The following RABGAP1L variants were observed in gnomAD, a reference collection of about 807,000 sequenced individuals.
The protein encoded by RABGAP1L is rab GTPase-activating protein 1-like.
A neutral mutation model predicts 137.7 loss-of-function variants in RABGAP1L; 63 were observed. The observed-to-expected ratio is 0.46, with a 90% CI of 0.37 to 0.56. RABGAP1L has a LOEUF of 0.56. Among genes scored for constraint, RABGAP1L ranks in the 20% least tolerant of loss-of-function variants. The pLI, the probability that RABGAP1L is intolerant of heterozygous loss-of-function variation, is 0.00. For synonymous variants in RABGAP1L, 431 were observed against 433.7 expected, an observed-to-expected ratio of 0.99 and a Z score of 0.08; for missense variants, 1,095 against 1,244.0, an observed-to-expected ratio of 0.88 and a Z score of 1.80.
rs190089012 is a variant in RABGAP1L at position 174,337,853 on chromosome 1, A to G, written c.1465+32726A>G. Among the ~76,000 whole-genome samples, 90 of 152,298 alleles carry G rather than the reference A, an allele frequency of 5.9e-4. No homozygotes were observed. The East Asian group carries it at 0.016, about 26-fold the overall frequency. Reference sequence around the variant, plus strand: ...TTTAAAAAATATTTGTGTACCTGCTATATTTTTAGCATTATGTTTGATTCT... The same window carrying G: ...TTTAAAAAATATTTGTGTACCTGCTGTATTTTTAGCATTATGTTTGATTCT... On this transcript the variant is annotated intron_variant, in intron 11 of 25. Coordinates refer to ENST00000681986, the MANE Select transcript of RABGAP1L (RefSeq NM_001366446.1).
chr1:174,597,227 C>G (rs528411334), intron 13 of RABGAP1L, among the ~76,000 whole-genome samples: 1 of 151,984 alleles, frequency 6.6e-6, no homozygotes, highest in Non-Finnish European at 1.5e-5. Context: ...TAATACTGCC[C>G]TCATAGAATG....
chr1:174,306,617 A>G (rs1678280912), intron 11 of RABGAP1L, among the ~76,000 whole-genome samples: 1 of 152,034 alleles, frequency 6.6e-6, no homozygotes, highest in Non-Finnish European at 1.5e-5. Flanking sequence ...TAGAATTTTC[A>G]TGATTGTTAC....
At position 174,459,161 on chromosome 1, in the gene RABGAP1L, C is replaced by T. The variant is rs1372434884; in HGVS notation, c.1710+65016C>T. Among the ~76,000 whole-genome samples the T allele has an allele frequency of 2.6e-5, 4 of 152,042 alleles. No individual in the cohort carries two copies. In the East Asian group the frequency reaches 7.7e-4, roughly 29 times the overall value. On this transcript the variant is annotated intron_variant, in intron 13 of 25. Transcript: ENST00000681986. ...AATACAAAGCAATTTTAAAGAGCCA[C>T]AATTTATATTTACACAAAATTAAGC...
intron 13 of RABGAP1L, among the ~76,000 whole-genome samples, chr1:174,428,233 G>A (rs1571755107): frequency 2.0e-5 from 3 of 152,126 alleles, no homozygotes; most frequent in Admixed American, 2.0e-4. Context: ...CACTGAGTAC[G>A]TATGATTGAA....
intron 1 of RABGAP1L, among the ~76,000 whole-genome samples, chr1:174,193,529 G>GA (rs747821400): frequency 1.1e-3 from 169 of 152,118 alleles, no homozygotes; most frequent in Non-Finnish European, 2.0e-3. Flanking sequence ...AAGACTCTCA[G>GA]AAAAAATCCC....
chr1:174,527,850 A>G (rs1157768405), intron 13 of RABGAP1L, among the ~76,000 whole-genome samples: 3 of 148,224 alleles, frequency 2.0e-5, no homozygotes, highest in Non-Finnish European at 3.0e-5. Context: ...TAGAACCATT[A>G]TATCCTCTTA....
chr1:174,629,685 G>A (rs1022499687), intron 13 of RABGAP1L, among the ~76,000 whole-genome samples: 1 of 152,076 alleles, frequency 6.6e-6, no homozygotes, highest in Admixed American at 6.6e-5. Context: ...ACCATGCCGG[G>A]CTAATTTTTT....
intron 11 of RABGAP1L, among the ~76,000 whole-genome samples, chr1:174,321,244 CAA>C (rs1378004321): frequency 6.6e-6 from 1 of 152,204 alleles, no homozygotes; most frequent in East Asian, 1.9e-4. Context: ...TTATCAATGA[CAA>C]TGTGTGCCCA....
chr1:174,361,324 C>T (rs1684130366), intron 11 of RABGAP1L, among the ~76,000 whole-genome samples: 2 of 146,950 alleles, frequency 1.4e-5, no homozygotes, highest in Non-Finnish European at 3.0e-5. Flanking sequence ...TGAAGAATGT[C>T]ATTGGTATTT....
chr1:174,542,257 G>A (rs1280729200), intron 13 of RABGAP1L, among the ~76,000 whole-genome samples: 4 of 152,160 alleles, frequency 2.6e-5, no homozygotes, highest in South Asian at 2.1e-4. Context: ...ATTGATTATT[G>A]CCTCAATTTC....
intron 17 of RABGAP1L, among the ~76,000 whole-genome samples, chr1:174,720,416 C>T (rs982427182): frequency 6.6e-6 from 1 of 151,910 alleles, no homozygotes; most frequent in South Asian, 2.1e-4. Flanking sequence ...AGAGCTCAAG[C>T]ACTCCTCCCA....
intron 13 of RABGAP1L, among the ~76,000 whole-genome samples, chr1:174,517,796 G>A (rs1663001751): frequency 6.6e-6 from 1 of 152,088 alleles, no homozygotes; most frequent in Admixed American, 6.5e-5. Flanking sequence ...CCTTTACACA[G>A]TTGATATTGT....
intron 8 of RABGAP1L, among the ~76,000 whole-genome samples, chr1:174,273,172 C>A (rs1190966585): frequency 6.6e-6 from 1 of 151,960 alleles, no homozygotes; most frequent in Non-Finnish European, 1.5e-5. Flanking sequence ...ATAATAAGCA[C>A]TATATGCTTT....
intron 14 of RABGAP1L, among the ~76,000 whole-genome samples, chr1:174,681,151 A>G (rs1678035992): frequency 6.6e-6 from 1 of 152,216 alleles, no homozygotes; most frequent in Non-Finnish European, 1.5e-5. Context: ...TTGGGAAACA[A>G]TTTGGCAATT....
intron 18 of RABGAP1L, among the ~76,000 whole-genome samples, chr1:174,799,029 G>A (rs1688494338): frequency 6.6e-6 from 1 of 152,134 alleles, no homozygotes; most frequent in Admixed American, 6.6e-5. Context: ...GGATTAATTT[G>A]ACCAGAGATT....
At chr1:174,687,001 C>T (rs778628110) in intron 15 of RABGAP1L, among the ~76,000 whole-genome samples, 1 of 151,916 alleles carries the variant, frequency 6.6e-6, no homozygotes, top group Non-Finnish European at 1.5e-5. Flanking sequence ...CATTTTTTAC[C>T]TGTAGCCCTG....
intron 14 of RABGAP1L, among the ~76,000 whole-genome samples, chr1:174,672,836 C>T (rs1401686634): frequency 1.3e-5 from 2 of 152,028 alleles, no homozygotes; most frequent in Non-Finnish European, 2.9e-5. Context: ...AGGAATCCTG[C>T]ACTTAGACAT....
chr1:174,490,178 G>T (rs572730937), intron 13 of RABGAP1L, among the ~76,000 whole-genome samples: 104 of 152,098 alleles, frequency 6.8e-4, no homozygotes, highest in Non-Finnish European at 9.1e-4. Context: ...GAAGGGTTAG[G>T]TATTTATTGT....
intron 13 of RABGAP1L, among the ~76,000 whole-genome samples, chr1:174,463,382 A>G (rs1558255896): frequency 6.6e-6 from 1 of 152,172 alleles, no homozygotes; most frequent in African/African-American, 2.4e-5. Context: ...TGAAATTGGA[A>G]ATCATCATTC....
Sources: gnomAD v4.1 joint callset for allele counts (sites outside exome capture counted in the v4.1 genomes callset) on GRCh38, gnomAD v4.1.1 for gene constraint, MANE v1.5 for transcripts, NCBI Gene and HGNC (gene_info 2026-07-23, HGNC 2026-07-21) for gene names.